The following GPR78 variants were observed in gnomAD, a reference collection of about 807,000 sequenced individuals.
The protein encoded by GPR78 is G protein-coupled receptor 78.
In GPR78, 29 loss-of-function variants were observed where a neutral mutation model predicts 17.9. The ratio of observed to expected loss-of-function variants is 1.62; its 90% CI spans 1.20 to 2.21. The LOEUF is 2.21. Ranked by LOEUF, GPR78 falls within the 30% of genes most tolerant of loss-of-function variation. The pLI, the probability that GPR78 is intolerant of heterozygous loss-of-function variation, is 0.00. For missense variants in GPR78, 649 were observed against 530.5 expected (o/e 1.22, Z -2.19); for synonymous variants, 349 against 256.9 (o/e 1.36, Z -3.43).
rs535111450 is a variant in GPR78, at chr4:8,583,431, G to A, written c.782+787G>A. On this transcript the variant is annotated intron_variant, in intron 2 of 2. Transcript: ENST00000382487. ...CCCCTGAAGCGCTCAGGCTGTCTGG[G>A]AGGTCTCCACCCTATGTGTTGAGCC... Among the ~76,000 whole-genome samples, 13 of 152,310 alleles carry A rather than the reference G, an allele frequency of 8.5e-5. No individual in the cohort carries two copies. The East Asian group carries it at 2.5e-3, about 29-fold the overall frequency.
chr4:8,584,635 T>G (rs994405713), intron 2 of GPR78, among the ~76,000 whole-genome samples: 1 of 152,216 alleles, frequency 6.6e-6, no homozygotes. Flanking sequence ...GGGAGGGGTC[T>G]TGAGGGCTGG....
chr4:8,587,075 C>A lies in GPR78; in HGVS notation c.804C>A (p.Phe268Leu). ...VMTRLAELVP[F>L]VTVNAQWGIL... ...ACAGGCTGGCGGAGCTCGTGCCCTT[C>A]GTCACCGTGAACGCCCAGTGGGGCA... Residue 268 changes from phenylalanine to leucine, a missense_variant, in exon 3 of 3, where the codon TTC becomes TTA. Physicochemically the swap from Phe to Leu is conservative, Grantham distance 22. Transcript: ENST00000382487. 1.2e-6 allele frequency: 2 copies of A among 1,612,022 alleles called. No homozygotes were observed. Among genetic ancestry groups the A allele is most frequent in the Non-Finnish European group, 1.7e-6 (2 of 1,179,148 alleles).
In GPR78 at chr4:8,585,239, C is replaced by T. The variant is rs184713749; in HGVS notation, c.783-1815C>T. ...TGTTGAGCAGCAGTGGACACGTGAG[C>T]GAGCCCTCTTCTCTGCAGGGTCATG... On this transcript the variant is annotated intron_variant, in intron 2 of 2. Transcript: ENST00000382487. Among the ~76,000 whole-genome samples, 9 of 152,266 alleles carry T rather than the reference C, an allele frequency of 5.9e-5. No individual in the cohort carries two copies. The East Asian group carries it at 7.7e-4, about 13-fold the overall frequency.
In GPR78 at chr4:8,589,210, C is replaced by T. The variant is rs536439458; in HGVS notation, c.*1847C>T. ...TTTGCTGACTCACCAATGCCTCCCC[C>T]AAAAGGATAAATTTAAAGGTGTGTA... On this transcript the variant is annotated 3_prime_UTR_variant, in exon 3 of 3. Transcript: ENST00000382487. Among the ~76,000 whole-genome samples, 1 of 152,162 alleles carries T rather than the reference C, an allele frequency of 6.6e-6. No homozygotes were observed. The highest frequency in any genetic ancestry group is 6.5e-5 in the Admixed American group (1 of 15,288).
chr4:8,580,737 G>T lies in GPR78; in HGVS notation c.-246G>T. Reference sequence around the variant, plus strand: ...CATTCAGCACCCTGGACAGCACCGCGGTTGCGCTGCCTCCAGGGCGGCCCC... The same window carrying T: ...CATTCAGCACCCTGGACAGCACCGCTGTTGCGCTGCCTCCAGGGCGGCCCC... On this transcript the variant is annotated 5_prime_UTR_variant, in exon 1 of 3. Transcript: ENST00000382487. The T allele has an allele frequency of 1.8e-6, 1 of 549,700 alleles. No individual in the cohort carries two copies. The highest frequency in any genetic ancestry group is 3.2e-6 in the Non-Finnish European group (1 of 315,872). The allele number at this position is 549,700 out of a possible 1,614,324, so 34.1% of individuals were successfully genotyped here.
At position 8,587,291 on chromosome 4, in the gene GPR78, C is replaced by T; in HGVS notation, c.1020C>T (p.Thr340=). 6.2e-7 allele frequency: 1 copy of T among 1,611,028 alleles called. No individual in the cohort carries two copies. The highest frequency in any genetic ancestry group is 8.5e-7 in the Non-Finnish European group (1 of 1,178,322). ...TGGTGCACCAGCTGCTGAAGAGAAC[C>T]CCGCGCCCAGCGTCCACCCACAACG... The part of the protein sequence containing the change: ...AGMVHQLLKR[T]PRPASTHNGS... The change falls in exon 3 of 3, where the codon ACC becomes ACT. Residue 340 remains threonine, a synonymous_variant. Transcript: ENST00000382487.
In GPR78 at chr4:8,589,673, G is replaced by T. The variant is rs565953648; in HGVS notation, c.*2310G>T. Among the ~76,000 whole-genome samples, 1 of 152,318 alleles carries T rather than the reference G, an allele frequency of 6.6e-6. No homozygotes were observed. Among genetic ancestry groups the T allele is most frequent in the Admixed American group, 6.5e-5 (1 of 15,304 alleles). The stretch of plus-strand genomic sequence containing the variant: ...GCATCTCCGCCAGGCTAAAAGCCTT[G>T]GTCACTACTTTAGAGCCACTCAAGG... On this transcript the variant is annotated 3_prime_UTR_variant, in exon 3 of 3. Coordinates refer to ENST00000382487, the MANE Select transcript of GPR78 (RefSeq NM_080819.5).
Position 8,581,093 on chromosome 4 carries a change from C to T in GPR78, c.111C>T (p.Arg37=), listed in dbSNP as rs1310403629. The part of the protein sequence containing the change: ...LLCCAYSAEL[R]TRASGVLLVN... Reference sequence around the variant, plus strand: ...GTTGCGCCTACAGCGCTGAGCTCCGCACTCGAGCCTCAGGCGTCCTCCTGG... The same window carrying T: ...GTTGCGCCTACAGCGCTGAGCTCCGTACTCGAGCCTCAGGCGTCCTCCTGG... The change falls in exon 1 of 3, where the codon CGC becomes CGT. Residue 37 remains arginine (R), a synonymous_variant. Coordinates refer to ENST00000382487, the MANE Select transcript of GPR78 (RefSeq NM_080819.5). 1 of 1,606,200 alleles carries T rather than the reference C, an allele frequency of 6.2e-7. No individual in the cohort carries two copies. The highest frequency in any genetic ancestry group is 1.3e-5 in the African/African-American group (1 of 74,914).
In GPR78 at chr4:8,580,891, G is replaced by A. The variant is rs1229693389; in HGVS notation, c.-92G>A. ...TGCACCTCCCAGAAGCCGTGGGCGCGCCGCTCAGCTGCTCCATCGCCTCAC... is the reference window on the plus strand; with the variant it reads ...TGCACCTCCCAGAAGCCGTGGGCGCACCGCTCAGCTGCTCCATCGCCTCAC... On this transcript the variant is annotated 5_prime_UTR_variant, in exon 1 of 3. Coordinates refer to ENST00000382487, the MANE Select transcript of GPR78 (RefSeq NM_080819.5). 4 of 1,218,192 alleles carry A rather than the reference G, an allele frequency of 3.3e-6. No homozygotes were observed. The East Asian group carries it at 7.7e-5, about 24-fold the overall frequency. 75.5% of individuals were successfully genotyped at this position (1,218,192 alleles called of 1,614,324 possible). A position where few individuals can be genotyped will look rare whatever the true frequency, so the allele number is the denominator to read the frequency against.
intron 2 of GPR78, among the ~76,000 whole-genome samples, chr4:8,586,690 C>T (rs1431882137): frequency 6.6e-6 from 1 of 152,204 alleles, no homozygotes; most frequent in South Asian, 2.1e-4. Flanking sequence ...TAATGGCTCC[C>T]TCGGTAGCTG....
At chr4:8,585,296 T>C (rs7665624) in intron 2 of GPR78, among the ~76,000 whole-genome samples, 4 of 152,098 alleles carry the variant, frequency 2.6e-5, no homozygotes, top group African/African-American at 9.6e-5. Context: ...TCTGGTCCCA[T>C]TGTGGCTCCA....
Position 8,587,158 on chromosome 4 carries a change from T to G in GPR78, c.887T>G (p.Leu296Arg). ...KAVADPFTYS[L>R]LRRPFRQVLA... Reference sequence around the variant, plus strand: ...GTGGCCGACCCGTTCACGTACTCTCTGCTCCGCCGGCCGTTCCGCCAAGTC... The same window carrying G: ...GTGGCCGACCCGTTCACGTACTCTCGGCTCCGCCGGCCGTTCCGCCAAGTC... Residue 296 changes from leucine (L) to arginine (R), a missense_variant, in exon 3 of 3, where the codon CTG becomes CGG. Physicochemically the swap from Leu to Arg is moderately radical, Grantham distance 102. Transcript: ENST00000382487. The G allele has an allele frequency of 1.2e-6, 2 of 1,613,272 alleles. No individual in the cohort carries two copies. Among genetic ancestry groups the G allele is most frequent in the Non-Finnish European group, 1.7e-6 (2 of 1,179,956 alleles).
rs1468907727 is a variant in GPR78 at position 8,581,184 on chromosome 4, A to C, written c.202A>C (p.Met68Leu). ...LDMPFTLLGV[M>L]RGRTPSAPGA... ...CATGCCCTTCACGCTGCTCGGTGTG[A>C]TGCGCGGGCGGACACCGTCGGCGCC... Residue 68 changes from methionine to leucine, a missense_variant, in exon 1 of 3, where the codon ATG becomes CTG. Coordinates refer to ENST00000382487, the MANE Select transcript of GPR78 (RefSeq NM_080819.5). The C allele has an allele frequency of 9.4e-6, 15 of 1,602,618 alleles. No individual in the cohort carries two copies. Among genetic ancestry groups the C allele is most frequent in the Non-Finnish European group, 1.3e-5 (15 of 1,179,134 alleles).
chr4:8,582,468 C>T, intron 1 of GPR78, 63 bp from the exon 2 acceptor site: 1 of 1,133,544 alleles, frequency 8.8e-7, no homozygotes, highest in Non-Finnish European at 1.3e-6. Flanking sequence ...AGCCCCTGGG[C>T]TCTGGGCCTG....
At position 8,580,860 on chromosome 4, in the gene GPR78, C is replaced by A; in HGVS notation, c.-123C>A. 2 of 955,080 alleles carry A rather than the reference C, an allele frequency of 2.1e-6. No individual in the cohort carries two copies. The highest frequency in any genetic ancestry group is 3.0e-6 in the Non-Finnish European group (2 of 662,618). 59.2% of individuals were successfully genotyped at this position (955,080 alleles called of 1,614,324 possible). A position where few individuals can be genotyped will look rare whatever the true frequency, so the allele number is the denominator to read the frequency against. On this transcript the variant is annotated 5_prime_UTR_variant, in exon 1 of 3. Transcript: ENST00000382487. ...TCGCGCTGCTCTGGACCTTGCTAGC[C>A]GGCTCTGCACCTCCCAGAAGCCGTG...
At chr4:8,581,847 G>C (rs1713306478) in intron 1 of GPR78, among the ~76,000 whole-genome samples, 197 bp downstream of exon 1, 1 of 123,276 alleles carries the variant, frequency 8.1e-6, no homozygotes, top group African/African-American at 2.7e-5. Context: ...TCTGCCTCCT[G>C]GGATATGTGC....
At chr4:8,582,358 G>A (rs908091265) in intron 1 of GPR78, among the ~76,000 whole-genome samples, 173 bp from the exon 2 acceptor site, 2 of 152,076 alleles carry the variant, frequency 1.3e-5, no homozygotes, top group Admixed American at 1.3e-4. Context: ...CTACAAAAAA[G>A]CAAGCCTACC....
Position 8,581,570 on chromosome 4 carries a change from C to T in GPR78, c.588C>T (p.His196=). 6.3e-7 allele frequency: 1 copy of T among 1,577,220 alleles called. No homozygotes were observed. The highest frequency in any genetic ancestry group is 1.7e-5 in the Admixed American group (1 of 57,598). The change falls in exon 1 of 3, where the codon CAC becomes CAT. Residue 196 remains histidine (H), a synonymous_variant. Coordinates refer to ENST00000382487, the MANE Select transcript of GPR78 (RefSeq NM_080819.5). The stretch of plus-strand genomic sequence containing the variant: ...TCTGCCTCACCTCGCTCCAGGTGCA[C>T]CGGGTGGCACGCAGACACTGCCAGC... ...AVLCLTSLQV[H]RVARRHCQRM... is the part of the protein sequence containing the mutation.
intron 2 of GPR78, 153 bp downstream of exon 2, chr4:8,582,797 C>T: frequency 3.3e-6 from 2 of 611,530 alleles, no homozygotes; most frequent in South Asian, 3.9e-5. Context: ...GGCTGTGCTT[C>T]AGCTCCTGGG....
Sources: gnomAD v4.1 joint callset for allele counts (sites outside exome capture counted in the v4.1 genomes callset) on GRCh38, gnomAD v4.1.1 for gene constraint, MANE v1.5 for transcripts, NCBI Gene and HGNC (gene_info 2026-07-23, HGNC 2026-07-21) for gene names.